The following SRRM4 variants were observed in gnomAD, a reference collection of about 807,000 sequenced individuals.
SRRM4 encodes the protein serine/arginine repetitive matrix protein 4.
Under a neutral mutation model 68.9 loss-of-function variants are expected in SRRM4, and 33 were observed. The ratio of observed to expected loss-of-function variants is 0.48; its 90% CI spans 0.36 to 0.64. SRRM4 has a LOEUF of 0.64. SRRM4 is among the 30% of genes least tolerant of loss of function. The pLI is 0.00. For missense variants in SRRM4, 817 were observed against 827.1 expected (o/e 0.99, Z 0.15); for synonymous variants, 318 against 318.8 (o/e 1.00, Z 0.03).
intron 1 of SRRM4, among the ~76,000 whole-genome samples, chr12:119,080,321 G>T (rs1020345956): frequency 6.6e-6 from 1 of 150,586 alleles, no homozygotes; most frequent in African/African-American, 2.4e-5. Context: ...ATTGTGGTGA[G>T]CACTAAATTA....
intron 1 of SRRM4, among the ~76,000 whole-genome samples, chr12:119,089,312 G>T (rs975182203): frequency 1.3e-5 from 2 of 152,130 alleles, no homozygotes; most frequent in South Asian, 4.2e-4. Flanking sequence ...TAAAGATAAA[G>T]CTCTCTAATA....
chr12:119,113,789 G>T (rs192121864), intron 2 of SRRM4, among the ~76,000 whole-genome samples: 1 of 152,136 alleles, frequency 6.6e-6, no homozygotes, highest in Admixed American at 6.5e-5. Flanking sequence ...TTGAGGTTCT[G>T]CGAGGCAATA....
intron 1 of SRRM4, among the ~76,000 whole-genome samples, chr12:119,069,260 C>A (rs1020174489): frequency 6.6e-6 from 1 of 152,140 alleles, no homozygotes; most frequent in Non-Finnish European, 1.5e-5. Flanking sequence ...TGCCGGGAGA[C>A]CTTTTTATAA....
rs369905539 is a variant in SRRM4, at chr12:118,986,818, C to G, written c.131+4805C>G. 7.9e-5 allele frequency among the ~76,000 whole-genome samples: 12 copies of G among 152,232 alleles called. No homozygotes were observed. In the South Asian group the frequency reaches 1.2e-3, roughly 16 times the overall value. On this transcript the variant is annotated intron_variant, in intron 1 of 12. Coordinates refer to ENST00000267260, the MANE Select transcript of SRRM4 (RefSeq NM_194286.4). ...AGGGAACATCCCTAAAACCCTAACT[C>G]CTTTAATAGGGAAGGAAGCCTGGGT... is the stretch of plus-strand genomic sequence containing the variant.
chr12:119,014,266 TGCCTCA>T (rs1352028131), intron 1 of SRRM4, among the ~76,000 whole-genome samples: 1 of 152,228 alleles, frequency 6.6e-6, no homozygotes, highest in Non-Finnish European at 1.5e-5. Context: ...TCATATGTGT[TGCCTCA>T]AACTTTCTGT....
intron 1 of SRRM4, among the ~76,000 whole-genome samples, chr12:118,994,590 C>G (rs376764562): frequency 1.3e-5 from 2 of 152,232 alleles, no homozygotes; most frequent in Non-Finnish European, 2.9e-5. Context: ...AATGTCAGTT[C>G]TGACGCATGC....
intron 1 of SRRM4, among the ~76,000 whole-genome samples, chr12:119,005,148 G>T (rs1010854434): frequency 2.0e-5 from 3 of 152,210 alleles, no homozygotes; most frequent in Non-Finnish European, 4.4e-5. Flanking sequence ...GGACAGTCAG[G>T]AACAGACTGC....
intron 1 of SRRM4, among the ~76,000 whole-genome samples, chr12:119,037,126 G>T (rs1463118313): frequency 6.6e-6 from 1 of 152,120 alleles, no homozygotes; most frequent in African/African-American, 2.4e-5. Flanking sequence ...TTTCCTGGGC[G>T]TGGTTCCCCC....
chr12:119,078,773 T>A (rs1329591961), intron 1 of SRRM4, among the ~76,000 whole-genome samples: 1 of 151,890 alleles, frequency 6.6e-6, no homozygotes, highest in Admixed American at 6.6e-5. Flanking sequence ...AAATTTAAAA[T>A]TCAAAATTTA....
intron 1 of SRRM4, among the ~76,000 whole-genome samples, chr12:119,014,607 GT>G (rs1953470001): frequency 6.6e-6 from 1 of 152,190 alleles, no homozygotes; most frequent in African/African-American, 2.4e-5. Flanking sequence ...GCCACTCCAT[GT>G]TTTTAAAGAG....
At chr12:119,124,638 T>G (rs1954245656) in intron 6 of SRRM4, among the ~76,000 whole-genome samples, 1 of 152,196 alleles carries the variant, frequency 6.6e-6, no homozygotes, top group African/African-American at 2.4e-5. Context: ...GTAACACCAC[T>G]GTTAGTGGTA....
At chr12:119,069,507 T>C (rs1317645859) in intron 1 of SRRM4, 1 of 152,172 alleles carries the variant, frequency 6.6e-6, no homozygotes, top group Non-Finnish European at 1.5e-5. Flanking sequence ...TGACTGGAGC[T>C]GAGCCAACAT....
chr12:119,038,706 T>C (rs1953645795), intron 1 of SRRM4, among the ~76,000 whole-genome samples: 1 of 152,208 alleles, frequency 6.6e-6, no homozygotes, highest in Non-Finnish European at 1.5e-5. Flanking sequence ...CCACGTTTTT[T>C]CATGTTTCCT....
rs1383253343 is a variant in SRRM4, at chr12:119,114,344, C to T, written c.345C>T (p.Ser115=). The T allele has an allele frequency of 4.4e-6, 7 of 1,608,966 alleles. No homozygotes were observed. The highest frequency in any genetic ancestry group is 5.1e-6 in the Non-Finnish European group (6 of 1,177,772). ...GGGGAAAGAAGAAAAAGAAGAAATC[C>T]ACTCGGAAGAAGAGAAGGAGGTAAG... is the stretch of plus-strand genomic sequence containing the variant. ...SSRGKKKKKK[S]TRKKRRRSSS... is the part of the protein sequence containing the mutation. Residue 115 remains serine (S), a synonymous_variant, in exon 3 of 13, where the codon TCC becomes TCT. Coordinates refer to ENST00000267260, the MANE Select transcript of SRRM4 (RefSeq NM_194286.4).
chr12:119,122,191 A>G, intron 6 of SRRM4, 71 bp downstream of exon 6: 2 of 1,052,806 alleles, frequency 1.9e-6, no homozygotes, highest in South Asian at 2.7e-5. Flanking sequence ...TAAAAGCCAG[A>G]GTCTTAGAGT....
At chr12:119,138,165 G>C (rs1954342829) in intron 8 of SRRM4, among the ~76,000 whole-genome samples, 1 of 152,176 alleles carries the variant, frequency 6.6e-6, no homozygotes, top group South Asian at 2.1e-4. Flanking sequence ...TTTGGGCCCA[G>C]TGTTGCCAGA....
At chr12:119,152,444 G>A (rs933068293) in intron 10 of SRRM4, among the ~76,000 whole-genome samples, 4 of 152,144 alleles carry the variant, frequency 2.6e-5, no homozygotes, top group African/African-American at 7.2e-5. Context: ...CAAATATGAC[G>A]TCTGAGCTCC....
chr12:119,139,639 A>T (rs1227405782), intron 8 of SRRM4, among the ~76,000 whole-genome samples: 1 of 152,068 alleles, frequency 6.6e-6, no homozygotes, highest in Admixed American at 6.6e-5. Context: ...AAGACGATTT[A>T]CTCACTCCAG....
At chr12:119,062,574 C>A (rs561531144) in intron 1 of SRRM4, among the ~76,000 whole-genome samples, 20 of 152,204 alleles carry the variant, frequency 1.3e-4, no homozygotes, top group Admixed American at 9.2e-4. Context: ...AAAAAAATTT[C>A]TTTTTACTTT....
Sources: allele counts gnomAD v4.1 joint callset (sites outside exome capture counted in the v4.1 genomes callset), GRCh38; gene constraint gnomAD v4.1.1; transcripts MANE v1.5; gene names NCBI Gene and HGNC (gene_info 2026-07-23, HGNC 2026-07-21).